The following FSTL4 variants were observed in gnomAD, a reference collection of about 807,000 sequenced individuals.
FSTL4 encodes follistatin-related protein 4.
Under a neutral mutation model 78.2 loss-of-function variants are expected in FSTL4, and 28 were observed. The ratio of observed to expected loss-of-function variants is 0.36; its 90% CI spans 0.27 to 0.49. The LOEUF is 0.49. FSTL4 is among the 20% of genes least tolerant of loss of function. The probability of loss-of-function intolerance (pLI) is 0.98; values close to 1 mark genes in which losing one functional copy is unlikely to be tolerated. For synonymous variants in FSTL4, 422 were observed against 440.5 expected (o/e 0.96, Z 0.53); for missense variants, 922 against 1,084.9 (o/e 0.85, Z 2.11).
chr5:133,456,085 C>G (rs1757482075), intron 3 of FSTL4, among the ~76,000 whole-genome samples: 1 of 152,188 alleles, frequency 6.6e-6, no homozygotes, highest in South Asian at 2.1e-4. Context: ...GCAGGTATTT[C>G]CTGTAAAGAG....
intron 2 of FSTL4, among the ~76,000 whole-genome samples, chr5:133,596,643 A>G (rs528238078): frequency 6.6e-6 from 1 of 152,236 alleles, no homozygotes; most frequent in East Asian, 1.9e-4. Context: ...ACACAACATC[A>G]AGCAGGTAGA....
the FSTL4 span, among the ~76,000 whole-genome samples, chr5:133,735,490 C>CTCATCA: frequency 6.6e-6 from 1 of 152,060 alleles, no homozygotes; most frequent in African/African-American, 2.4e-5. Flanking sequence ...CAGGCCACAG[C>CTCATCA]TCATTCCTCA....
At position 133,204,116 on chromosome 5, in the gene FSTL4, T is replaced by A. The variant is rs186684707; in HGVS notation, c.1717-2074A>T. 1.8e-4 allele frequency among the ~76,000 whole-genome samples: 27 copies of A among 152,190 alleles called. No homozygotes were observed. The East Asian group carries it at 4.6e-3, about 26-fold the overall frequency. On this transcript the variant is annotated intron_variant, in intron 14 of 15. Coordinates refer to ENST00000265342, the MANE Select transcript of FSTL4 (RefSeq NM_015082.2). Reference sequence around the variant, plus strand: ...TGGGCATCTCCCTCAGAGGGGTGTATGAAGCCAGCTGGGAAGTGGCATGTG... The same window carrying A: ...TGGGCATCTCCCTCAGAGGGGTGTAAGAAGCCAGCTGGGAAGTGGCATGTG...
At chr5:133,418,520 T>G (rs1459492968) in intron 3 of FSTL4, among the ~76,000 whole-genome samples, 1 of 152,140 alleles carries the variant, frequency 6.6e-6, no homozygotes, top group Non-Finnish European at 1.5e-5. Flanking sequence ...CAAGCTATTC[T>G]AAAAATTATA....
chr5:133,220,783 G>A lies in FSTL4; in HGVS notation c.1423C>T (p.His475Tyr), dbSNP rs370187282. ...IHPVDCEIQR[H>Y]LKPTEKIFMS... Reference sequence around the variant, plus strand: ...AAAATCTTTTCCGTGGGTTTGAGGTGCCTCTGGATCTCACAGTCCACAGGA... The same window carrying A: ...AAAATCTTTTCCGTGGGTTTGAGGTACCTCTGGATCTCACAGTCCACAGGA... Residue 475 changes from histidine (H) to tyrosine (Y), a missense_variant, in exon 12 of 16, where the codon CAC (histidine) becomes TAC (tyrosine). Transcript: ENST00000265342. The A allele has an allele frequency of 3.9e-5, 63 of 1,607,298 alleles. No homozygotes were observed. In the South Asian group the frequency reaches 5.1e-4, roughly 13 times the overall value.
intron 4 of FSTL4, among the ~76,000 whole-genome samples, chr5:133,331,789 T>C (rs1422752307): frequency 6.6e-6 from 1 of 152,108 alleles, no homozygotes; most frequent in Non-Finnish European, 1.5e-5. Context: ...ACACCAGCCA[T>C]TTCGGGAGAT....
intron 6 of FSTL4, among the ~76,000 whole-genome samples, chr5:133,297,121 T>G (rs955978014): frequency 3.3e-5 from 5 of 152,196 alleles, no homozygotes; most frequent in African/African-American, 1.2e-4. Flanking sequence ...AAAGGACAAT[T>G]TTTCATGTCA....
chr5:133,709,421 T>G, the FSTL4 span, among the ~76,000 whole-genome samples: 2 of 152,260 alleles, frequency 1.3e-5, no homozygotes, highest in African/African-American at 4.8e-5. Flanking sequence ...TGGCTTCACT[T>G]ATTCTGAAAA....
At chr5:133,564,022 G>T (rs528030643) in intron 3 of FSTL4, among the ~76,000 whole-genome samples, 2 of 152,240 alleles carry the variant, frequency 1.3e-5, no homozygotes, top group Admixed American at 1.3e-4. Context: ...TTAAGGGGCT[G>T]GCAGGGCTAT....
chr5:133,361,695 A>G lies in FSTL4; in HGVS notation c.409+39043T>C, dbSNP rs1755074552. On this transcript the variant is annotated intron_variant, in intron 4 of 15. Coordinates refer to ENST00000265342, the MANE Select transcript of FSTL4 (RefSeq NM_015082.2). The surrounding 1 kb of genome is among the most constrained non-coding windows in gnomAD (Gnocchi z 4.3). ...CCTGACAAGTTTCTCCCTCTAAGAC[A>G]GTGGTTCTAAGTGGGGCAGAACTGC... is the stretch of plus-strand genomic sequence containing the variant. Among the ~76,000 whole-genome samples the G allele has an allele frequency of 6.6e-6, 1 of 152,212 alleles. No individual in the cohort carries two copies. Among genetic ancestry groups the G allele is most frequent in the South Asian group, 2.1e-4 (1 of 4,828 alleles).
At chr5:133,836,172 T>C in the FSTL4 span, among the ~76,000 whole-genome samples, 1 of 152,202 alleles carries the variant, frequency 6.6e-6, no homozygotes, top group Admixed American at 6.5e-5. Context: ...TTACATTCAA[T>C]GTAATTACTG....
At chr5:133,384,174 C>A (rs1185407093) in intron 4 of FSTL4, among the ~76,000 whole-genome samples, 2 of 152,142 alleles carry the variant, frequency 1.3e-5, no homozygotes, top group African/African-American at 4.8e-5. Context: ...GTGGAGGTTG[C>A]AACTCAGGAA....
intron 6 of FSTL4, among the ~76,000 whole-genome samples, chr5:133,296,565 A>T (rs1215268524): frequency 1.3e-5 from 2 of 152,110 alleles, no homozygotes; most frequent in African/African-American, 4.8e-5. Context: ...GGGGGCTAGG[A>T]CACATCTTCC....
At chr5:133,514,417 G>A (rs983937764) in intron 3 of FSTL4, among the ~76,000 whole-genome samples, 1 of 152,164 alleles carries the variant, frequency 6.6e-6, no homozygotes, top group African/African-American at 2.4e-5. Context: ...ATAGGAACCA[G>A]TAAAGAGCAG....
At chr5:133,657,518 C>T in the FSTL4 span, among the ~76,000 whole-genome samples, 5 of 152,164 alleles carry the variant, frequency 3.3e-5, no homozygotes, top group African/African-American at 1.2e-4. Flanking sequence ...AAGGGCTCTT[C>T]TCTAGTTTTG....
intron 3 of FSTL4, among the ~76,000 whole-genome samples, chr5:133,514,071 C>T (rs939658805): frequency 2.6e-5 from 4 of 151,522 alleles, no homozygotes; most frequent in Admixed American, 6.6e-5. Context: ...CCCAGCTACT[C>T]GAGAGGCTGA....
intron 8 of FSTL4, 42 bp downstream of exon 8, chr5:133,233,375 G>A (rs1204997588): frequency 6.2e-7 from 1 of 1,611,108 alleles, no homozygotes; most frequent in Admixed American, 1.7e-5. Context: ...AGCAGTTTGG[G>A]GAGGCTATGA....
intron 11 of FSTL4, among the ~76,000 whole-genome samples, chr5:133,223,072 T>A (rs1012474483): frequency 6.6e-6 from 1 of 152,216 alleles, no homozygotes; most frequent in Non-Finnish European, 1.5e-5. Flanking sequence ...GTGGTAGGTC[T>A]CTACTTCTGA....
chr5:133,682,405 T>C, the FSTL4 span, among the ~76,000 whole-genome samples: 3 of 152,242 alleles, frequency 2.0e-5, no homozygotes, highest in Admixed American at 6.5e-5. Flanking sequence ...TGCCTTGAAT[T>C]CATGCTACCT....
Sources: gnomAD v4.1 joint callset for allele counts (sites outside exome capture counted in the v4.1 genomes callset) on GRCh38, gnomAD v4.1.1 for gene constraint, Gnocchi (gnomAD v3.1) non-coding constraint, MANE v1.5 for transcripts, NCBI Gene and HGNC (gene_info 2026-07-23, HGNC 2026-07-21) for gene names.